Variants in RASAL2 observed in about 807,000 individuals in gnomAD.
RASAL2 encodes the protein RAS protein activator like 2.
A neutral mutation model predicts 128.9 loss-of-function variants in RASAL2; 58 were observed. The ratio of observed to expected loss-of-function variants is 0.45; its 90% CI spans 0.36 to 0.56. RASAL2 has a LOEUF of 0.56. Ranked by LOEUF, RASAL2 falls within the 20% of genes least tolerant of loss-of-function variation. The pLI is 0.00. For missense variants in RASAL2, 1,360 were observed against 1,601.6 expected, an observed-to-expected ratio of 0.85 and a Z score of 2.57; for synonymous variants, 561 against 580.8, an observed-to-expected ratio of 0.97 and a Z score of 0.49.
chr1:178,368,973 C>T (rs1158578971), intron 3 of RASAL2, among the ~76,000 whole-genome samples: 1 of 152,058 alleles, frequency 6.6e-6, no homozygotes, highest in Non-Finnish European at 1.5e-5. Context: ...ATGCTCTTGA[C>T]TCACATTTTA....
At chr1:178,345,920 T>C (rs865990736) in intron 3 of RASAL2, among the ~76,000 whole-genome samples, 4 of 152,166 alleles carry the variant, frequency 2.6e-5, no homozygotes, top group Admixed American at 6.5e-5. Context: ...AGTATGATTA[T>C]AGAATATTTC....
chr1:178,420,389 A>G, intron 4 of RASAL2, 122 bp from the exon 5 acceptor site: 2 of 558,680 alleles, frequency 3.6e-6, no homozygotes, highest in Non-Finnish European at 5.9e-6. Flanking sequence ...TAAAAAGCTT[A>G]AAAGCTAGTT....
At chr1:178,393,692 C>T (rs1165835787) in intron 4 of RASAL2, among the ~76,000 whole-genome samples, 3 of 152,268 alleles carry the variant, frequency 2.0e-5, no homozygotes, top group African/African-American at 7.2e-5. Flanking sequence ...TCACACATAC[C>T]GTAATTCCAA....
intron 1 of RASAL2, among the ~76,000 whole-genome samples, chr1:178,255,084 A>G (rs886751552): frequency 6.6e-6 from 1 of 152,206 alleles, no homozygotes; most frequent in African/African-American, 2.4e-5. Context: ...TCTTATGTCT[A>G]ACAAAGCTAT....
chr1:178,285,731 G>C (rs909322985), intron 2 of RASAL2, among the ~76,000 whole-genome samples: 15 of 152,158 alleles, frequency 9.9e-5, no homozygotes, highest in Non-Finnish European at 1.0e-4. Flanking sequence ...CAAATGTACT[G>C]TCAGCAGTCT....
intron 3 of RASAL2, among the ~76,000 whole-genome samples, chr1:178,305,563 T>C (rs1021309474): frequency 6.6e-6 from 1 of 152,166 alleles, no homozygotes; most frequent in African/African-American, 2.4e-5. Context: ...TTCAAGAATG[T>C]TGGCTAGAAC....
intron 9 of RASAL2, among the ~76,000 whole-genome samples, chr1:178,446,342 A>C (rs1488059203): frequency 1.3e-5 from 2 of 152,178 alleles, no homozygotes; most frequent in Non-Finnish European, 2.9e-5. Context: ...GTTGAGCAGC[A>C]CTGTCCGATA....
chr1:178,413,738 A>G (rs1336446903), intron 4 of RASAL2, among the ~76,000 whole-genome samples: 1 of 152,208 alleles, frequency 6.6e-6, no homozygotes, highest in Non-Finnish European at 1.5e-5. Flanking sequence ...ATTATGATAA[A>G]TGTACTAAGG....
rs1374207001 is a variant in RASAL2, at chr1:178,476,381, G to C, written c.*3142G>C. ...TTTCCATCAGGTCATCATATTCCCT[G>C]AGTCTCTGCAGCAAAAGCCATGTCA... is the stretch of plus-strand genomic sequence containing the variant. On this transcript the variant is annotated 3_prime_UTR_variant, in exon 18 of 18. Coordinates refer to ENST00000367649, the MANE Select transcript of RASAL2 (RefSeq NM_170692.4). The C allele has an allele frequency of 6.6e-6, 1 of 152,176 alleles. No homozygotes were observed. Among genetic ancestry groups the C allele is most frequent in the South Asian group, 2.1e-4 (1 of 4,828 alleles). 9.4% of individuals were successfully genotyped at this position (152,176 alleles called of 1,614,324 possible). A position where few individuals can be genotyped will look rare whatever the true frequency, so the allele number is the denominator to read the frequency against.
intron 1 of RASAL2, among the ~76,000 whole-genome samples, chr1:178,141,306 C>T (rs1486277271): frequency 6.8e-6 from 1 of 146,616 alleles, no homozygotes; most frequent in Non-Finnish European, 1.5e-5. Flanking sequence ...AGCTCGAATG[C>T]CTGGGGTTTA....
At chr1:178,237,154 A>G (rs955010873) in intron 1 of RASAL2, among the ~76,000 whole-genome samples, 2 of 152,104 alleles carry the variant, frequency 1.3e-5, no homozygotes, top group South Asian at 4.1e-4. Flanking sequence ...GTAAGGAATT[A>G]GAGCCTCAGA....
chr1:178,428,772 A>C (rs1440445193), intron 5 of RASAL2, among the ~76,000 whole-genome samples: 1 of 151,976 alleles, frequency 6.6e-6, no homozygotes, highest in East Asian at 1.9e-4. Context: ...AGATATTACA[A>C]AATTCTAATC....
chr1:178,293,633 C>T (rs926606527), intron 2 of RASAL2, among the ~76,000 whole-genome samples: 2 of 152,202 alleles, frequency 1.3e-5, no homozygotes, highest in Non-Finnish European at 2.9e-5. Context: ...ATATACTTAC[C>T]AGCTTCCTGG....
Position 178,367,452 on chromosome 1 carries a change from A to G in RASAL2, c.458-22648A>G, listed in dbSNP as rs140092170. Among the ~76,000 whole-genome samples, 706 of 152,182 alleles carry G rather than the reference A, an allele frequency of 4.6e-3. 8 individuals carry two copies. Among genetic ancestry groups the G allele is most frequent in the South Asian group, 0.023 (113 of 4,820 alleles). On this transcript the variant is annotated intron_variant, in intron 3 of 17. Transcript: ENST00000367649. ...GGTATTATTTACCATCTAACACAATATATATTTTACTTTTTTATCTTACTA... is the reference window on the plus strand; with the variant it reads ...GGTATTATTTACCATCTAACACAATGTATATTTTACTTTTTTATCTTACTA...
chr1:178,265,649 G>A (rs577785027), intron 1 of RASAL2, among the ~76,000 whole-genome samples: 373 of 152,290 alleles, frequency 2.4e-3, no homozygotes, highest in Non-Finnish European at 3.5e-3. Context: ...TGTACACAAA[G>A]TACATAAATT....
At chr1:178,373,301 G>A (rs144251322) in intron 3 of RASAL2, among the ~76,000 whole-genome samples, 371 of 18,920 alleles carry the variant, frequency 0.02, 4 homozygotes, top group African/African-American at 0.091. Flanking sequence ...CAGTTTAGAT[G>A]TAAAGGGTCA....
intron 1 of RASAL2, among the ~76,000 whole-genome samples, chr1:178,165,968 C>T (rs1328390762): frequency 6.6e-6 from 1 of 151,926 alleles, no homozygotes. Context: ...GCTGCATTTC[C>T]CCCCCATCTT....
intron 1 of RASAL2, among the ~76,000 whole-genome samples, chr1:178,216,970 A>ATTAT (rs922094548): frequency 6.6e-6 from 1 of 150,704 alleles, no homozygotes; most frequent in South Asian, 2.1e-4. Context: ...AGATTTTATT[A>ATTAT]TTATTTATTT....
chr1:178,429,555 CTT>C (rs1469342329), intron 5 of RASAL2, among the ~76,000 whole-genome samples: 5 of 152,076 alleles, frequency 3.3e-5, no homozygotes, highest in Non-Finnish European at 5.9e-5. Flanking sequence ...TGATACATGA[CTT>C]TGGTATACAG....
Sources: allele counts gnomAD v4.1 joint callset (sites outside exome capture counted in the v4.1 genomes callset), GRCh38; gene constraint gnomAD v4.1.1; transcripts MANE v1.5; gene names NCBI Gene and HGNC (gene_info 2026-07-23, HGNC 2026-07-21).